Variants in PDE4D observed in about 807,000 individuals in gnomAD.
PDE4D encodes the protein 3',5'-cyclic-AMP phosphodiesterase 4D.
In PDE4D, 24 loss-of-function variants were observed where a neutral mutation model predicts 87.4. That is an observed-to-expected ratio of 0.27 (90% CI 0.20 to 0.39). PDE4D has a LOEUF of 0.39. PDE4D is among the 10% of genes least tolerant of loss of function. PDE4D has a pLI of 1.00. For missense variants in PDE4D, 714 were observed against 1,041.0 expected, an observed-to-expected ratio of 0.69 and a Z score of 4.32; for synonymous variants, 384 against 383.2, an observed-to-expected ratio of 1.00 and a Z score of -0.02.
chr5:59,582,280 C>T (rs1824308466), intron 1 of PDE4D, among the ~76,000 whole-genome samples: 1 of 152,140 alleles, frequency 6.6e-6, no homozygotes, highest in African/African-American at 2.4e-5. Context: ...AGTCATCAAA[C>T]TCAATATTGC....
Position 59,105,387 on chromosome 5 carries a change from C to T in PDE4D, c.809-66416G>A, listed in dbSNP as rs1325662913. On this transcript the variant is annotated intron_variant, in intron 5 of 14. Coordinates refer to ENST00000340635, the MANE Select transcript of PDE4D (RefSeq NM_001104631.2). ...GCCTCTCCCTTTAAATGTTTTTAAG[C>T]ACAGTGGAAAAACATAGACACTAAA... Among the ~76,000 whole-genome samples, 4 of 152,188 alleles carry T rather than the reference C, an allele frequency of 2.6e-5. No individual in the cohort carries two copies. In the South Asian group the frequency reaches 6.2e-4, roughly 24 times the overall value.
At chr5:60,310,899 T>C (rs1240813288) in intron 1 of PDE4D, among the ~76,000 whole-genome samples, 3 of 152,246 alleles carry the variant, frequency 2.0e-5, no homozygotes, top group Non-Finnish European at 4.4e-5. Context: ...AATCATTCCA[T>C]GTGCTCTCCT....
At chr5:60,175,725 CA>C (rs1422719595) in intron 2 of PDE4D, among the ~76,000 whole-genome samples, 1 of 152,072 alleles carries the variant, frequency 6.6e-6, no homozygotes, top group East Asian at 1.9e-4. Flanking sequence ...CTGTTGGTAG[CA>C]GGCCAGGGAG....
chr5:59,929,074 G>A (rs4699944), intron 3 of PDE4D, among the ~76,000 whole-genome samples: 29,118 of 151,526 alleles, frequency 0.19, 3,638 homozygotes, highest in Admixed American at 0.32. Flanking sequence ...TTCAATATAT[G>A]TGTGTGTGTG....
At chr5:60,349,246 G>A (rs561735845) in intron 1 of PDE4D, among the ~76,000 whole-genome samples, 23 of 151,984 alleles carry the variant, frequency 1.5e-4, no homozygotes, top group Non-Finnish European at 2.8e-4. Context: ...GGATATTTTC[G>A]TATTAAATAC....
chr5:60,334,734 T>C lies in PDE4D; in HGVS notation c.-89-149047A>G, dbSNP rs531969027. On this transcript the variant is annotated intron_variant, in intron 1 of 16. Coordinates refer to the PDE4D transcript ENST00000502484. ...GAAAGAACTCTGAAAGGGAGGAAACTAGTTTTCTTGTAAACTTGTGTTTTA... is the reference window on the plus strand; with the variant it reads ...GAAAGAACTCTGAAAGGGAGGAAACCAGTTTTCTTGTAAACTTGTGTTTTA... Among the ~76,000 whole-genome samples the C allele has an allele frequency of 4.6e-5, 7 of 151,834 alleles. 1 individual carries two copies. The South Asian group carries it at 1.5e-3, about 32-fold the overall frequency.
intron 2 of PDE4D, among the ~76,000 whole-genome samples, chr5:60,090,687 C>T (rs959785817): frequency 3.3e-5 from 5 of 151,986 alleles, no homozygotes; most frequent in African/African-American, 1.2e-4. Context: ...AGCGGTTAGG[C>T]AAGAGAACGA....
chr5:60,432,260 T>G (rs1176695043), intron 1 of PDE4D, among the ~76,000 whole-genome samples: 1 of 152,330 alleles, frequency 6.6e-6, no homozygotes, highest in African/African-American at 2.4e-5. Context: ...AGGATGATGC[T>G]GGCCTCATAG....
intron 1 of PDE4D, among the ~76,000 whole-genome samples, chr5:59,233,221 C>T (rs1017692166): frequency 1.3e-5 from 2 of 151,878 alleles, no homozygotes; most frequent in African/African-American, 4.8e-5. Context: ...GTGCTGGATA[C>T]CCTAAATAAT....
chr5:59,560,772 T>C (rs1819843643), intron 1 of PDE4D: 1 of 152,122 alleles, frequency 6.6e-6, no homozygotes, highest in Non-Finnish European at 1.5e-5. Context: ...CAGGCAACAA[T>C]AAATTCATTG....
At chr5:59,531,189 G>A (rs1332144998) in intron 1 of PDE4D, among the ~76,000 whole-genome samples, 1 of 152,096 alleles carries the variant, frequency 6.6e-6, no homozygotes, top group Non-Finnish European at 1.5e-5. Context: ...TCTTTTAATG[G>A]TGATATTCAG....
chr5:60,400,862 G>A (rs1741020892), intron 1 of PDE4D, among the ~76,000 whole-genome samples: 3 of 152,160 alleles, frequency 2.0e-5, no homozygotes, highest in Admixed American at 1.3e-4. Flanking sequence ...AACCTGGGAG[G>A]CACAGGTTGC....
intron 6 of PDE4D, chr5:58,999,340 T>C (rs1452689615): frequency 6.2e-6 from 2 of 323,492 alleles, no homozygotes. Context: ...CAATCTTATC[T>C]TGACCACTAT....
At chr5:60,125,440 G>A (rs915781289) in intron 2 of PDE4D, among the ~76,000 whole-genome samples, 1 of 152,040 alleles carries the variant, frequency 6.6e-6, no homozygotes, top group Non-Finnish European at 1.5e-5. Context: ...CTGGAATACT[G>A]CATTTATCTT....
chr5:60,173,858 A>G (rs1332710322), intron 2 of PDE4D, among the ~76,000 whole-genome samples: 1 of 152,090 alleles, frequency 6.6e-6, no homozygotes, highest in East Asian at 1.9e-4. Flanking sequence ...TGAGATGAGG[A>G]CTCAGAAATA....
Position 60,048,140 on chromosome 5 carries a change from G to C in PDE4D, c.43-59423C>G, listed in dbSNP as rs1276979653. Among the ~76,000 whole-genome samples the C allele has an allele frequency of 4.6e-5, 7 of 151,838 alleles. No individual in the cohort carries two copies. The South Asian group carries it at 1.5e-3, about 32-fold the overall frequency. On this transcript the variant is annotated intron_variant, in intron 2 of 16. Transcript: ENST00000502484. ...TGTAATGGCCTTCTTTGTCTCTTTT[G>C]ATCTTTGTTGGTTTAAAGTCTGTTT...
chr5:59,728,660 G>A (rs6877662), intron 1 of PDE4D, among the ~76,000 whole-genome samples: 71,325 of 151,810 alleles, frequency 0.47, 19,366 homozygotes, highest in African/African-American at 0.75. Context: ...TAATTTAGAA[G>A]GAAAACAGAT....
intron 6 of PDE4D, among the ~76,000 whole-genome samples, chr5:59,021,956 G>A (rs1199329619): frequency 6.6e-6 from 1 of 152,110 alleles, no homozygotes; most frequent in African/African-American, 2.4e-5. Context: ...CAGGCAGCCG[G>A]TCCTTCAGGG....
chr5:60,419,078 T>C (rs1227766456), intron 1 of PDE4D, among the ~76,000 whole-genome samples: 2 of 152,188 alleles, frequency 1.3e-5, no homozygotes, highest in African/African-American at 2.4e-5. Context: ...GGAGGGAAAT[T>C]TGGCAACATT....
Sources: allele counts gnomAD v4.1 joint callset (sites outside exome capture counted in the v4.1 genomes callset), GRCh38; gene constraint gnomAD v4.1.1; transcripts MANE v1.5; gene names NCBI Gene and HGNC (gene_info 2026-07-23, HGNC 2026-07-21).